The following P3H4 variants were observed in gnomAD, a reference collection of about 807,000 sequenced individuals.
The protein encoded by P3H4 is endoplasmic reticulum protein SC65.
P3H4 carries 47 observed loss-of-function variants against 52.9 expected under a neutral mutation model. The observed-to-expected ratio is 0.89, with a 90% CI of 0.70 to 1.13. The LOEUF is 1.13. Ranked by LOEUF, P3H4 falls within the 50% of genes most tolerant of loss-of-function variation. The pLI, the probability that P3H4 is intolerant of heterozygous loss-of-function variation, is 0.00. For missense variants in P3H4, 585 were observed against 611.0 expected, an observed-to-expected ratio of 0.96 and a Z score of 0.45; for synonymous variants, 256 against 267.9, an observed-to-expected ratio of 0.96 and a Z score of 0.44.
chr17:41,810,866 C>G lies in P3H4; in HGVS notation c.784G>C (p.Ala262Pro). Reference protein sequence around the residue: ...VDFKDFYPAIADLFAESLQCK... With the variant: ...VDFKDFYPAIPDLFAESLQCK... ...CCGTGGTCTGGGTGGCAGATACCTG[C>G]TATGGCCGGGTAGAAGTCCTTGAAG... The change falls in exon 3 of 8, where the codon GCA (alanine) becomes CCA (proline). Residue 262 changes from alanine (A) to proline (P), a missense_variant. Ala to Pro is a conservative substitution (Grantham distance 27). Transcript: ENST00000393928. The G allele has an allele frequency of 6.2e-7, 1 of 1,612,450 alleles. No homozygotes were observed. The highest frequency in any genetic ancestry group is 1.1e-5 in the South Asian group (1 of 90,964).
In P3H4 at chr17:41,811,932, G is replaced by A. The variant is rs1276127794; in HGVS notation, c.-17C>T. The A allele has an allele frequency of 3.4e-6, 5 of 1,492,118 alleles. No individual in the cohort carries two copies. The highest frequency in any genetic ancestry group is 1.5e-5 in the African/African-American group (1 of 68,750). 92.4% of individuals were successfully genotyped at this position (1,492,118 alleles called of 1,614,324 possible). A position where few individuals can be genotyped will look rare whatever the true frequency, so the allele number is the denominator to read the frequency against. On this transcript the variant is annotated 5_prime_UTR_variant, in exon 1 of 8. Transcript: ENST00000393928. The surrounding 1 kb of genome is among the most constrained non-coding windows in gnomAD (Gnocchi z 4.8). Reference sequence around the variant, plus strand: ...CCGAGCCATGCCCGCCGCGCCGCCGGCTCTCCGGAGCTGAGCTGGCTGCCC... The same window carrying A: ...CCGAGCCATGCCCGCCGCGCCGCCGACTCTCCGGAGCTGAGCTGGCTGCCC...
intron 5 of P3H4, 22 bp from the exon 6 acceptor site, chr17:41,806,901 G>A (rs782187868): frequency 1.9e-6 from 3 of 1,601,846 alleles, no homozygotes; most frequent in Admixed American, 3.4e-5. Flanking sequence ...GAAGGACGGG[G>A]TGGGGGGTGA....
rs782576738 is a variant in P3H4, at chr17:41,811,694, G to A, written c.222C>T (p.Ala74=). ...GGCCGCTGCAGTTGGCGTGGCAGAA[G>A]GCCTCGCTGTCGCGCAGGAGCCGGT... ...RLHRLLRDSE[A]FCHANCSGPA... The change falls in exon 1 of 8, where the codon GCC becomes GCT. Residue 74 remains alanine, a synonymous_variant. Coordinates refer to ENST00000393928, the MANE Select transcript of P3H4 (RefSeq NM_006455.3). The surrounding 1 kb of genome is among the most constrained non-coding windows in gnomAD (Gnocchi z 4.8). 1.4e-5 allele frequency: 21 copies of A among 1,459,306 alleles called. No homozygotes were observed. In the South Asian group the frequency reaches 1.9e-4, roughly 13 times the overall value. The allele number at this position is 1,459,306 out of a possible 1,614,324, so 90.4% of individuals were successfully genotyped here.
rs782155513 is a variant in P3H4, at chr17:41,811,625, G to A, written c.291C>T (p.Asp97=). 5.4e-6 allele frequency: 8 copies of A among 1,477,490 alleles called. No individual in the cohort carries two copies. The highest frequency in any genetic ancestry group is 1.4e-5 in the South Asian group (1 of 72,908). The allele number at this position is 1,477,490 out of a possible 1,614,324, so 91.5% of individuals were successfully genotyped here. A position where few individuals can be genotyped will look rare whatever the true frequency, so the allele number is the denominator to read the frequency against. The change falls in exon 1 of 8, where the codon GAC becomes GAT. Residue 97 remains aspartate, a synonymous_variant. Transcript: ENST00000393928. The surrounding 1 kb of genome is among the most constrained non-coding windows in gnomAD (Gnocchi z 4.8). ...AKPDPDGGRA[D]EWACELRLFG... Reference sequence around the variant, plus strand: ...AGAGCCGCAGCTCGCAGGCCCACTCGTCTGCGCGGCCGCCGTCGGGATCGG... The same window carrying A: ...AGAGCCGCAGCTCGCAGGCCCACTCATCTGCGCGGCCGCCGTCGGGATCGG...
At chr17:41,808,098 C>G in intron 4 of P3H4, 94 bp from the exon 5 acceptor site, 1 of 1,478,126 alleles carries the variant, frequency 6.8e-7, no homozygotes, top group Non-Finnish European at 9.1e-7. Flanking sequence ...GCTACCCAGC[C>G]ACCTCCCAGA....
chr17:41,810,509 G>A (rs2047718492), intron 3 of P3H4, among the ~76,000 whole-genome samples: 1 of 152,114 alleles, frequency 6.6e-6, no homozygotes, highest in Admixed American at 6.6e-5. Context: ...AGGGACCCCA[G>A]GGTTAGAGAT....
Position 41,811,569 on chromosome 17 carries a change from A to G in P3H4, c.347T>C (p.Leu116Pro). The G allele has an allele frequency of 1.2e-6, 2 of 1,604,766 alleles. No homozygotes were observed. Among genetic ancestry groups the G allele is most frequent in the Non-Finnish European group, 1.7e-6 (2 of 1,176,990 alleles). The change falls in exon 1 of 8, where the codon CTG (leucine) becomes CCG (proline). Residue 116 changes from leucine to proline, a missense_variant. Leu to Pro is a moderately conservative substitution (Grantham distance 98). Coordinates refer to ENST00000393928, the MANE Select transcript of P3H4 (RefSeq NM_006455.3). The surrounding 1 kb of genome is among the most constrained non-coding windows in gnomAD (Gnocchi z 4.8). ...FGRVLERAAC[L>P]RRCKRTLPAF... is the part of the protein sequence containing the mutation. ...GGGCAGCGTCCGCTTGCAGCGCCGC[A>G]GGCAGGCGGCTCGCTCCAGGACGCG... is the stretch of plus-strand genomic sequence containing the variant.
chr17:41,803,415 G>T lies in P3H4; in HGVS notation c.1163C>A (p.Thr388Lys), dbSNP rs1555613787. The T allele has an allele frequency of 1.2e-6, 2 of 1,613,790 alleles. No homozygotes were observed. The highest frequency in any genetic ancestry group is 1.1e-5 in the South Asian group (1 of 91,054). Residue 388 changes from threonine to lysine, a missense_variant, in exon 7 of 8, where the codon ACA becomes AAA. By Grantham distance (78) the Thr-to-Lys change is moderately conservative. Coordinates refer to ENST00000393928, the MANE Select transcript of P3H4 (RefSeq NM_006455.3). ...QSDDEMELEE[T>K]EPPLEPEDAL... ...ATCCTCAGGCTCCAGGGGCGGTTCTGTCTCCTCCAGCTCCATCTAGAGTAG... is the reference window on the plus strand; with the variant it reads ...ATCCTCAGGCTCCAGGGGCGGTTCTTTCTCCTCCAGCTCCATCTAGAGTAG...
At chr17:41,810,506 C>G (rs2144029054) in intron 3 of P3H4, among the ~76,000 whole-genome samples, 1 of 152,214 alleles carries the variant, frequency 6.6e-6, no homozygotes. Context: ...TCGAGGGACC[C>G]CAGGGTTAGA....
chr17:41,808,516 T>G (rs1424085341), intron 4 of P3H4, among the ~76,000 whole-genome samples: 1 of 152,048 alleles, frequency 6.6e-6, no homozygotes, highest in South Asian at 2.1e-4. Flanking sequence ...GTCTCCCCAG[T>G]AGCTGGGACT....
chr17:41,811,780 G>A lies in P3H4; in HGVS notation c.136C>T (p.Gln46Ter), dbSNP rs782163185. Residue 46 changes from glutamine to a stop codon, truncating the protein, a stop_gained, in exon 1 of 8, where the codon CAG becomes TAG. Coordinates refer to ENST00000393928, the MANE Select transcript of P3H4 (RefSeq NM_006455.3). LOFTEE classifies it high-confidence loss of function. The surrounding 1 kb of genome is among the most constrained non-coding windows in gnomAD (Gnocchi z 4.8). Reference protein sequence around the residue: ...LAAAYGHALEQYEGESWRESA... With the variant: ...LAAAYGHALE Reference sequence around the variant, plus strand: ...TCGCGCCAGCTCTCTCCCTCGTACTGCTCCAGAGCGTGCCCGTACGCCGCG... The same window carrying A: ...TCGCGCCAGCTCTCTCCCTCGTACTACTCCAGAGCGTGCCCGTACGCCGCG... 2.0e-6 allele frequency: 3 copies of A among 1,536,168 alleles called. No homozygotes were observed. The highest frequency in any genetic ancestry group is 1.2e-5 in the South Asian group (1 of 83,274).
rs1288091538 is a variant in P3H4, at chr17:41,802,548, C to T, written c.*409G>A. ...GGATTACAGGCGTGAGCCACCGTGC[C>T]GGCCCGTCTTGTTTTTTTTTAAAGA... On this transcript the variant is annotated 3_prime_UTR_variant, in exon 8 of 8. Coordinates refer to ENST00000393928, the MANE Select transcript of P3H4 (RefSeq NM_006455.3). 5.3e-5 allele frequency: 11 copies of T among 207,596 alleles called. No individual in the cohort carries two copies. Among genetic ancestry groups the T allele is most frequent in the African/African-American group, 1.0e-4 (4 of 38,728 alleles). The allele number at this position is 207,596 out of a possible 1,614,324, so 12.9% of individuals were successfully genotyped here. A position where few individuals can be genotyped will look rare whatever the true frequency, so the allele number is the denominator to read the frequency against.
At position 41,811,892 on chromosome 17, in the gene P3H4, C is replaced by G. The variant is rs1295855294; in HGVS notation, c.24G>C (p.Leu8=). Residue 8 remains leucine (L), a synonymous_variant, in exon 1 of 8, where the codon CTG becomes CTC. Transcript: ENST00000393928. The surrounding 1 kb of genome is among the most constrained non-coding windows in gnomAD (Gnocchi z 4.8). MARVAWG[L]LWLLLGSAGA... The stretch of plus-strand genomic sequence containing the variant: ...CGGCGCTGCCCAGCAGCAACCACAG[C>G]AGCCCCCACGCCACCCGAGCCATGC... 6.6e-7 allele frequency: 1 copy of G among 1,519,544 alleles called. No individual in the cohort carries two copies. The highest frequency in any genetic ancestry group is 8.7e-7 in the Non-Finnish European group (1 of 1,143,230). The allele number at this position is 1,519,544 out of a possible 1,614,324, so 94.1% of individuals were successfully genotyped here.
At position 41,810,939 on chromosome 17, in the gene P3H4, G is replaced by T. The variant is rs2047724760; in HGVS notation, c.711C>A (p.Val237=). ...CACAGCCGGCCAGGCACCGGGCAAA[G>T]ACTGCCAGGTACTCTGACAAGGCCC... The part of the protein sequence containing the change: ...MERALSEYLA[V]FARCLAGCEG... Residue 237 remains valine, a synonymous_variant, in exon 3 of 8, where the codon GTC becomes GTA. Coordinates refer to ENST00000393928, the MANE Select transcript of P3H4 (RefSeq NM_006455.3). 3.7e-6 allele frequency: 6 copies of T among 1,614,196 alleles called. No homozygotes were observed. The highest frequency in any genetic ancestry group is 5.1e-6 in the Non-Finnish European group (6 of 1,180,032).
intron 3 of P3H4, 60 bp from the exon 4 acceptor site, chr17:41,809,894 G>T (rs548885698): frequency 5.5e-5 from 87 of 1,574,918 alleles, no homozygotes; most frequent in African/African-American, 1.3e-5. Flanking sequence ...CGTCCCCCCA[G>T]TGGAGAAGAC....
rs1460389531 is a variant in P3H4 at position 41,802,625 on chromosome 17, CA to C, written c.*331del. The C allele has an allele frequency of 6.7e-5, 19 of 283,404 alleles. No individual in the cohort carries two copies. Among genetic ancestry groups the C allele is most frequent in the Non-Finnish European group, 1.3e-4 (19 of 151,264 alleles). The allele number at this position is 283,404 out of a possible 1,614,324, so 17.6% of individuals were successfully genotyped here. On this transcript the variant is annotated 3_prime_UTR_variant, in exon 8 of 8. Coordinates refer to ENST00000393928, the MANE Select transcript of P3H4 (RefSeq NM_006455.3). ...GGAGTGCGGTGGCGCAATCTCAGTT[CA>C]CTGCAACCTTTGCCTCCCAGGTTCA... is the stretch of plus-strand genomic sequence containing the variant.
At chr17:41,810,305 C>T (rs1365367533) in intron 3 of P3H4, among the ~76,000 whole-genome samples, 1 of 151,610 alleles carries the variant, frequency 6.6e-6, no homozygotes, top group Non-Finnish European at 1.5e-5. Context: ...TCCCGAGTAG[C>T]TGGGATTACA....
chr17:41,808,231 T>C (rs989669224), intron 4 of P3H4, among the ~76,000 whole-genome samples: 2 of 152,200 alleles, frequency 1.3e-5, no homozygotes, highest in Non-Finnish European at 2.9e-5. Context: ...TTTATTGTTT[T>C]TGAAACAGGG....
chr17:41,811,141 C>G lies in P3H4; in HGVS notation c.606G>C (p.Gln202His), dbSNP rs782098222. The G allele has an allele frequency of 6.2e-7, 1 of 1,614,216 alleles. No homozygotes were observed. ...TGACCCTCCACCCCACCTCGTAGGG[C>G]TGGGCCTCTAGGTCCGTGAGGGACT... ...ADESLTDLEA[Q>H]PYEAVFLRAV... Residue 202 changes from glutamine to histidine, a missense_variant, in exon 2 of 8, where the codon CAG (glutamine) becomes CAC (histidine). Transcript: ENST00000393928. This position sits in a 1 kb window ranked among gnomAD's most constrained non-coding sequence, Gnocchi z 4.8.
Sources: gnomAD v4.1 joint callset for allele counts (sites outside exome capture counted in the v4.1 genomes callset) on GRCh38, gnomAD v4.1.1 for gene constraint, Gnocchi (gnomAD v3.1) non-coding constraint, MANE v1.5 for transcripts, NCBI Gene and HGNC (gene_info 2026-07-23, HGNC 2026-07-21) for gene names.